Variants in NMNAT3 observed in about 807,000 individuals in gnomAD.
The protein encoded by NMNAT3 is nicotinamide nucleotide adenylyltransferase 3.
NMNAT3 carries 21 observed loss-of-function variants against 24.8 expected under a neutral mutation model. That is an observed-to-expected ratio of 0.85 (90% CI 0.60 to 1.22). NMNAT3 has a LOEUF of 1.22. NMNAT3 is among the 50% of genes most tolerant of loss of function. The probability of loss-of-function intolerance (pLI) is 0.00; values close to 1 mark genes in which losing one functional copy is unlikely to be tolerated. For missense variants in NMNAT3, 387 were observed against 436.6 expected, an observed-to-expected ratio of 0.89 and a Z score of 1.01; for synonymous variants, 136 against 155.2, an observed-to-expected ratio of 0.88 and a Z score of 0.92.
chr3:139,583,978 C>T, intron 3 of NMNAT3: 1 of 185,148 alleles, frequency 5.4e-6, no homozygotes, highest in Non-Finnish European at 1.1e-5. Flanking sequence ...CTTTCTTTTT[C>T]CTTGGGCAAT....
chr3:139,632,762 A>C (rs1297829420), intron 2 of NMNAT3, among the ~76,000 whole-genome samples: 1 of 152,270 alleles, frequency 6.6e-6, no homozygotes, highest in Non-Finnish European at 1.5e-5. Flanking sequence ...ATCAGGGCTC[A>C]GGGCTTAACA....
At chr3:139,623,567 A>G (rs2055898287) in intron 3 of NMNAT3, among the ~76,000 whole-genome samples, 1 of 152,084 alleles carries the variant, frequency 6.6e-6, no homozygotes, top group Admixed American at 6.6e-5. Flanking sequence ...ATAATAGTAT[A>G]TGCTAGACTT....
chr3:139,566,107 G>A (rs1937150537), intron 6 of NMNAT3: 1 of 151,962 alleles, frequency 6.6e-6, no homozygotes, highest in African/African-American at 2.4e-5. Context: ...TTTCTCTGAT[G>A]GCCAGTGATG....
chr3:139,573,367 G>A (rs1938734452), intron 6 of NMNAT3, among the ~76,000 whole-genome samples: 1 of 152,094 alleles, frequency 6.6e-6, no homozygotes, highest in Admixed American at 6.6e-5. Flanking sequence ...AAACTTCTTT[G>A]GGGCAAAAAA....
chr3:139,647,224 C>T (rs576134842), intron 1 of NMNAT3, among the ~76,000 whole-genome samples: 2 of 152,330 alleles, frequency 1.3e-5, no homozygotes, highest in South Asian at 4.1e-4. Context: ...ATTTAAGAAG[C>T]TTGTAAGCCA....
intron 3 of NMNAT3, among the ~76,000 whole-genome samples, chr3:139,593,518 G>C (rs1199790414): frequency 1.3e-5 from 2 of 152,046 alleles, no homozygotes; most frequent in South Asian, 2.1e-4. Flanking sequence ...ATTTTTTTCA[G>C]CACCACACCC....
At chr3:139,585,227 T>C (rs1308988192) in intron 3 of NMNAT3, among the ~76,000 whole-genome samples, 1 of 152,204 alleles carries the variant, frequency 6.6e-6, no homozygotes, top group Non-Finnish European at 1.5e-5. Flanking sequence ...CTATTTTGCC[T>C]TTCAGCTCTA....
Position 139,669,788 on chromosome 3 carries a change from T to C in NMNAT3, c.-141+7917A>G, listed in dbSNP as rs561020598. ...AGATATAATTATGGATTAATACAAA[T>C]AAAGTTAAATATTTTCTCCTAATGA... On this transcript the variant is annotated intron_variant, in intron 1 of 6. Coordinates refer to ENST00000643695, the MANE Select transcript of NMNAT3 (RefSeq NM_001320510.2). Among the ~76,000 whole-genome samples, 5 of 152,250 alleles carry C rather than the reference T, an allele frequency of 3.3e-5. No homozygotes were observed. The South Asian group carries it at 8.3e-4, about 25-fold the overall frequency.
intron 3 of NMNAT3, among the ~76,000 whole-genome samples, chr3:139,619,525 A>G (rs894283543): frequency 2.0e-5 from 3 of 152,196 alleles, no homozygotes; most frequent in African/African-American, 7.2e-5. Context: ...TCACTGGGCC[A>G]TGCCAAAGCT....
chr3:139,638,487 G>A (rs1046051821), intron 1 of NMNAT3, among the ~76,000 whole-genome samples: 1 of 152,178 alleles, frequency 6.6e-6, no homozygotes, highest in African/African-American at 2.4e-5. Flanking sequence ...GAAAATGCAG[G>A]AGCAATTGTT....
At chr3:139,673,273 T>C (rs944384551) in intron 1 of NMNAT3, among the ~76,000 whole-genome samples, 1 of 152,160 alleles carries the variant, frequency 6.6e-6, no homozygotes, top group African/African-American at 2.4e-5. Context: ...TGTATGACGC[T>C]GAGAACTGGA....
rs1405063694 is a variant in NMNAT3 at position 139,596,964 on chromosome 3, A to ATATT, written c.110-13757_110-13756insAATA. On this transcript the variant is annotated intron_variant, in intron 3 of 6. Transcript: ENST00000643695. ...TATATATATATATATATATATATAT[A>ATATT]TTTTTATTACATTGCATTACAACCA... Among the ~76,000 whole-genome samples the ATATT allele has an allele frequency of 9.1e-4, 99 of 108,544 alleles. 1 individual carries two copies. Among genetic ancestry groups the ATATT allele is most frequent in the Non-Finnish European group, 1.4e-3 (78 of 53,966 alleles). The allele number at this position is 108,544 out of a possible 152,430, so 71.2% of individuals were successfully genotyped here.
intron 3 of NMNAT3, among the ~76,000 whole-genome samples, chr3:139,601,629 A>G (rs1336207268): frequency 6.6e-6 from 1 of 152,208 alleles, no homozygotes; most frequent in East Asian, 1.9e-4. Flanking sequence ...ACACACTTCA[A>G]GCCAGAGAGT....
Position 139,560,663 on chromosome 3 carries a change from C to T in NMNAT3, c.*347G>A, listed in dbSNP as rs1012781522. 9.1e-6 allele frequency: 2 copies of T among 218,866 alleles called. No individual in the cohort carries two copies. The highest frequency in any genetic ancestry group is 2.3e-5 in the African/African-American group (1 of 43,776). 13.6% of individuals were successfully genotyped at this position (218,866 alleles called of 1,614,324 possible). On this transcript the variant is annotated 3_prime_UTR_variant, in exon 7 of 7. Coordinates refer to ENST00000643695, the MANE Select transcript of NMNAT3 (RefSeq NM_001320510.2). ...CAATTCTGATCTGACCCTCAGGGGC[C>T]GCTGCCATGCTCAGAACTGCATTCA...
At chr3:139,627,175 C>G (rs1470060467) in intron 3 of NMNAT3, among the ~76,000 whole-genome samples, 2 of 152,136 alleles carry the variant, frequency 1.3e-5, no homozygotes, top group African/African-American at 4.8e-5. Context: ...TTGTAATAAT[C>G]TAAGATCTAT....
chr3:139,666,020 C>G (rs1213082992), intron 1 of NMNAT3, among the ~76,000 whole-genome samples: 1 of 151,868 alleles, frequency 6.6e-6, no homozygotes, highest in Non-Finnish European at 1.5e-5. Context: ...AATATGTTAC[C>G]TATCAAAAAA....
At chr3:139,599,573 C>T (rs954937551) in intron 3 of NMNAT3, 1 of 606,152 alleles carries the variant, frequency 1.6e-6, no homozygotes, top group African/African-American at 1.8e-5. Flanking sequence ...AGACCAGAAT[C>T]TCAACTAAAT....
intron 3 of NMNAT3, among the ~76,000 whole-genome samples, chr3:139,588,619 C>G (rs376921655): frequency 7.3e-4 from 111 of 152,172 alleles, no homozygotes; most frequent in African/African-American, 2.7e-3. Flanking sequence ...GAGCCAAGAA[C>G]CTCTCCAGGT....
intron 6 of NMNAT3, among the ~76,000 whole-genome samples, chr3:139,562,835 C>T (rs2107981155): frequency 6.6e-6 from 1 of 152,322 alleles, no homozygotes; most frequent in East Asian, 1.9e-4. Context: ...TATGCAATCA[C>T]AGAAACACAC....
Sources: allele counts gnomAD v4.1 joint callset (sites outside exome capture counted in the v4.1 genomes callset), GRCh38; gene constraint gnomAD v4.1.1; transcripts MANE v1.5; gene names NCBI Gene and HGNC (gene_info 2026-07-23, HGNC 2026-07-21).